The following SNX13 variants were observed in gnomAD, a reference collection of about 807,000 sequenced individuals.
SNX13 encodes sorting nexin-13.
Under a neutral mutation model 133.6 loss-of-function variants are expected in SNX13, and 45 were observed. The ratio of observed to expected loss-of-function variants is 0.34; its 90% CI spans 0.27 to 0.43. SNX13 has a LOEUF of 0.43. Ranked by LOEUF, SNX13 falls within the 20% of genes least tolerant of loss-of-function variation. The probability of loss-of-function intolerance (pLI) is 1.00; values close to 1 mark genes in which losing one functional copy is unlikely to be tolerated. For synonymous variants in SNX13, 414 were observed against 373.9 expected, an observed-to-expected ratio of 1.11 and a Z score of -1.24; for missense variants, 1,032 against 1,145.1, an observed-to-expected ratio of 0.90 and a Z score of 1.43.
At chr7:17,823,202 C>T (rs763994807) in intron 17 of SNX13, among the ~76,000 whole-genome samples, 1 of 152,134 alleles carries the variant, frequency 6.6e-6, no homozygotes, top group South Asian at 2.1e-4. Context: ...CCATGGTCTA[C>T]GGCATCTGTA....
intron 1 of SNX13, among the ~76,000 whole-genome samples, chr7:17,904,378 C>T (rs1250325888): frequency 6.6e-6 from 1 of 152,218 alleles, no homozygotes; most frequent in Non-Finnish European, 1.5e-5. Flanking sequence ...TTCACAATCA[C>T]ACAACTAATT....
intron 9 of SNX13, among the ~76,000 whole-genome samples, chr7:17,860,937 G>A (rs757610928): frequency 1.3e-5 from 2 of 152,196 alleles, no homozygotes; most frequent in Non-Finnish European, 2.9e-5. Flanking sequence ...GAATTGCACT[G>A]AATCGGTAAA....
intron 1 of SNX13, among the ~76,000 whole-genome samples, chr7:17,938,892 T>C (rs919250121): frequency 6.6e-6 from 1 of 152,220 alleles, no homozygotes; most frequent in African/African-American, 2.4e-5. Context: ...TTCTGCTACT[T>C]ATAACTCTTT....
In SNX13 at chr7:17,873,460, A is replaced by AG. The variant is rs1554336799; in HGVS notation, c.753+67_753+68insC. The AG allele has an allele frequency of 2.3e-4, 238 of 1,033,336 alleles. 3 individuals carry two copies. In the East Asian group the frequency reaches 7.2e-3, roughly 31 times the overall value. The allele number at this position is 1,033,336 out of a possible 1,614,324, so 64.0% of individuals were successfully genotyped here. A position where few individuals can be genotyped will look rare whatever the true frequency, so the allele number is the denominator to read the frequency against. ...TTTAAGAGTGTAACAGGGTCTTAAG[A>AG]CAAAAATTTTGAAAACTACTGCTCT... On this transcript the variant is annotated intron_variant, in intron 8 of 25. Transcript: ENST00000428135.
At chr7:17,828,241 A>G (rs1199413501) in intron 16 of SNX13, among the ~76,000 whole-genome samples, 1 of 151,786 alleles carries the variant, frequency 6.6e-6, no homozygotes, top group African/African-American at 2.4e-5. Context: ...TGGTAAAATA[A>G]TATTTACAAA....
At position 17,926,865 on chromosome 7, in the gene SNX13, G is replaced by A. The variant is rs368867082; in HGVS notation, c.12+13419C>T. Among the ~76,000 whole-genome samples the A allele has an allele frequency of 4.4e-4, 67 of 152,182 alleles. 1 individual carries two copies. The highest frequency in any genetic ancestry group is 1.7e-3 in the South Asian group (8 of 4,828). On this transcript the variant is annotated intron_variant, in intron 1 of 25. Coordinates refer to ENST00000428135, the MANE Select transcript of SNX13 (RefSeq NM_015132.5). ...CGTGCTACTGCACTCTAGCCTGGAC[G>A]ACAAAGTGAGACCCTGTCTCATAAA...
At chr7:17,929,137 T>C (rs982854542) in intron 1 of SNX13, among the ~76,000 whole-genome samples, 4 of 151,442 alleles carry the variant, frequency 2.6e-5, no homozygotes, top group African/African-American at 9.7e-5. Flanking sequence ...AGAAGAATAA[T>C]GAATACAGAA....
At chr7:17,864,660 C>T (rs571696210) in intron 9 of SNX13, among the ~76,000 whole-genome samples, 1 of 151,718 alleles carries the variant, frequency 6.6e-6, no homozygotes, top group African/African-American at 2.4e-5. Context: ...ACAAGAAGGT[C>T]GAAAAACACC....
chr7:17,919,561 T>A (rs1314935857), intron 1 of SNX13, among the ~76,000 whole-genome samples: 1 of 152,188 alleles, frequency 6.6e-6, no homozygotes, highest in African/African-American at 2.4e-5. Flanking sequence ...TCTGAAACTG[T>A]ATCTATAAAA....
chr7:17,822,301 C>T (rs1186009490), intron 17 of SNX13, among the ~76,000 whole-genome samples: 2 of 151,992 alleles, frequency 1.3e-5, no homozygotes, highest in African/African-American at 2.4e-5. Context: ...CTAATCTTAA[C>T]TAAGGAGATG....
intron 17 of SNX13, among the ~76,000 whole-genome samples, chr7:17,823,723 T>G (rs949543857): frequency 6.6e-5 from 10 of 152,194 alleles, no homozygotes; most frequent in African/African-American, 2.4e-4. Flanking sequence ...CACAACACGT[T>G]TTAATCACGT....
chr7:17,882,376 C>G (rs188743031), intron 5 of SNX13: 1 of 152,078 alleles, frequency 6.6e-6, no homozygotes, highest in Admixed American at 6.5e-5. Context: ...CTATAAAGAA[C>G]AGCAATAGTC....
chr7:17,924,061 C>T (rs1271205413), intron 1 of SNX13, among the ~76,000 whole-genome samples: 3 of 152,100 alleles, frequency 2.0e-5, no homozygotes, highest in Non-Finnish European at 4.4e-5. Context: ...ACTAATGAAG[C>T]TAACTTTTTA....
At chr7:17,924,211 A>G (rs193106000) in intron 1 of SNX13, among the ~76,000 whole-genome samples, 279 of 152,362 alleles carry the variant, frequency 1.8e-3, no homozygotes, top group Admixed American at 2.8e-3. Context: ...TAAATGGGAG[A>G]AAATATTTGC....
chr7:17,812,397 G>C (rs1024906451), intron 20 of SNX13, among the ~76,000 whole-genome samples: 1 of 152,148 alleles, frequency 6.6e-6, no homozygotes, highest in Non-Finnish European at 1.5e-5. Flanking sequence ...ATGAAAAAAA[G>C]CTCAACATCA....
chr7:17,927,878 C>T lies in SNX13; in HGVS notation c.12+12406G>A, dbSNP rs570101641. On this transcript the variant is annotated intron_variant, in intron 1 of 25. Transcript: ENST00000428135. ...GTTTATATATCAGAAGATTTCCACT[C>T]ACAAAGTGTTCCTCTACTAAATAAA... Among the ~76,000 whole-genome samples, 6 of 152,272 alleles carry T rather than the reference C, an allele frequency of 3.9e-5. No homozygotes were observed. The South Asian group carries it at 1.2e-3, about 32-fold the overall frequency.
chr7:17,880,016 C>T (rs768687254), intron 5 of SNX13: 3 of 152,132 alleles, frequency 2.0e-5, no homozygotes, highest in Non-Finnish European at 4.4e-5. Context: ...TTTAAACATT[C>T]GATCAAAAGA....
chr7:17,815,251 T>A (rs1167911380), intron 19 of SNX13, among the ~76,000 whole-genome samples: 6 of 152,188 alleles, frequency 3.9e-5, no homozygotes, highest in South Asian at 2.1e-4. Context: ...AGATCCACGT[T>A]AGAAAACTGT....
chr7:17,822,402 G>C (rs1051603), intron 17 of SNX13, among the ~76,000 whole-genome samples: 96,512 of 151,982 alleles, frequency 0.64, 32,874 homozygotes, highest in African/African-American at 0.89. Context: ...AAAGTTAATA[G>C]TGAGTCTCTT....
Sources: gnomAD v4.1 joint callset for allele counts (sites outside exome capture counted in the v4.1 genomes callset) on GRCh38, gnomAD v4.1.1 for gene constraint, MANE v1.5 for transcripts, NCBI Gene and HGNC (gene_info 2026-07-23, HGNC 2026-07-21) for gene names.